SSBP2: variants seen among roughly 807,000 people sequenced by gnomAD.
SSBP2 encodes single stranded DNA binding protein 2, also known as single-stranded DNA-binding protein 2.
In SSBP2, 17 loss-of-function variants were observed where a neutral mutation model predicts 61.8. The ratio of observed to expected loss-of-function variants is 0.28; its 90% CI spans 0.19 to 0.41. The LOEUF is 0.41. SSBP2 is among the 10% of genes least tolerant of loss of function. The probability of loss-of-function intolerance (pLI) is 1.00; values close to 1 mark genes in which losing one functional copy is unlikely to be tolerated. For missense variants in SSBP2, 310 were observed against 458.7 expected (o/e 0.68, Z 2.96); for synonymous variants, 139 against 141.3 (o/e 0.98, Z 0.12).
chr5:81,467,091 CA>C, intron 8 of SSBP2, 26 bp from the exon 9 acceptor site: 1 of 1,500,736 alleles, frequency 6.7e-7, no homozygotes, highest in Non-Finnish European at 9.2e-7. Context: ...AAAACAAAAC[CA>C]AAGAGGAGGG....
rs78487728 is a variant in SSBP2 at position 81,590,791 on chromosome 5, G to A, written c.282+24682C>T. ...CACTAAAGGAAGAGCAAAAAGCCTC[G>A]TAGCTCTAAAGGTAATATAGGTTAA... On this transcript the variant is annotated intron_variant, in intron 4 of 16. Coordinates refer to ENST00000320672, the MANE Select transcript of SSBP2 (RefSeq NM_012446.5). Among the ~76,000 whole-genome samples the A allele has an allele frequency of 3.2e-3, 482 of 152,252 alleles. 2 individuals carry two copies. Among genetic ancestry groups the A allele is most frequent in the African/African-American group, 0.011 (443 of 41,542 alleles).
At chr5:81,677,683 A>G (rs1752085100) in intron 1 of SSBP2, among the ~76,000 whole-genome samples, 1 of 152,198 alleles carries the variant, frequency 6.6e-6, no homozygotes, top group African/African-American at 2.4e-5. Flanking sequence ...TACACAGTGT[A>G]TTCTGTTCCT....
chr5:81,749,644 A>T lies in SSBP2; in HGVS notation c.62+1337T>A, dbSNP rs931702761. 3.3e-5 allele frequency among the ~76,000 whole-genome samples: 5 copies of T among 150,718 alleles called. No homozygotes were observed. In the Admixed American group the frequency reaches 3.3e-4, roughly 10 times the overall value. On this transcript the variant is annotated intron_variant, in intron 1 of 16. Coordinates refer to ENST00000320672, the MANE Select transcript of SSBP2 (RefSeq NM_012446.5). ...CTCAGAGTTTAAGTGGTTACTGGGA[A>T]TCACTGATCTGTTGCACAGTTTAAA...
rs545245658 is a variant in SSBP2 at position 81,511,839 on chromosome 5, C to T, written c.372+1789G>A. Reference sequence around the variant, plus strand: ...TAGTTTTTAGATGCCTACTACAGTGCCTGGCATATAGTAGTACTCAAATAT... The same window carrying T: ...TAGTTTTTAGATGCCTACTACAGTGTCTGGCATATAGTAGTACTCAAATAT... On this transcript the variant is annotated intron_variant, in intron 5 of 16. Coordinates refer to ENST00000320672, the MANE Select transcript of SSBP2 (RefSeq NM_012446.5). Among the ~76,000 whole-genome samples, 5 of 152,236 alleles carry T rather than the reference C, an allele frequency of 3.3e-5. No individual in the cohort carries two copies. In the East Asian group the frequency reaches 9.6e-4, roughly 29 times the overall value.
At chr5:81,659,614 TATTCCCATCAA>T (rs1190477441) in intron 1 of SSBP2, among the ~76,000 whole-genome samples, 2 of 152,220 alleles carry the variant, frequency 1.3e-5, no homozygotes, top group Admixed American at 1.3e-4. Context: ...GATTTAATGC[TATTCCCATCAA>T]GCTACCATTG....
At chr5:81,456,970 CAT>C (rs1490927605) in intron 10 of SSBP2, among the ~76,000 whole-genome samples, 4 of 152,124 alleles carry the variant, frequency 2.6e-5, no homozygotes, top group African/African-American at 9.7e-5. Flanking sequence ...AGTGTGCACT[CAT>C]GTTTTTAATA....
chr5:81,532,907 T>G (rs1256152669), intron 4 of SSBP2, among the ~76,000 whole-genome samples: 1 of 151,878 alleles, frequency 6.6e-6, no homozygotes, highest in African/African-American at 2.4e-5. Flanking sequence ...ATTATCAGAC[T>G]TGAAAAAAGA....
intron 1 of SSBP2, among the ~76,000 whole-genome samples, chr5:81,701,005 C>A (rs1306021551): frequency 6.6e-6 from 1 of 152,164 alleles, no homozygotes; most frequent in African/African-American, 2.4e-5. Flanking sequence ...CTTTAGGAAG[C>A]TTTTCTTTGC....
intron 1 of SSBP2, among the ~76,000 whole-genome samples, chr5:81,666,598 T>A (rs901973729): frequency 7.9e-5 from 12 of 152,282 alleles, no homozygotes; most frequent in Non-Finnish European, 1.6e-4. Context: ...TGTAAATTTT[T>A]AAAAACTAAT....
At chr5:81,476,218 C>CAT (rs1765580694) in intron 6 of SSBP2, among the ~76,000 whole-genome samples, 1 of 152,078 alleles carries the variant, frequency 6.6e-6, no homozygotes, top group East Asian at 1.9e-4. Context: ...ACATAACCAC[C>CAT]ATACAGCCTT....
At chr5:81,468,547 A>C (rs1418733976) in intron 8 of SSBP2, among the ~76,000 whole-genome samples, 1 of 151,858 alleles carries the variant, frequency 6.6e-6, no homozygotes, top group Non-Finnish European at 1.5e-5. Context: ...CATTTTCTAT[A>C]ATTTTCATCT....
At chr5:81,641,112 G>C (rs1011268405) in intron 2 of SSBP2, among the ~76,000 whole-genome samples, 1 of 152,166 alleles carries the variant, frequency 6.6e-6, no homozygotes, top group African/African-American at 2.4e-5. Context: ...ATGCCAGGGT[G>C]TGCGGGAGGT....
chr5:81,529,720 G>A (rs1386930807), intron 4 of SSBP2, among the ~76,000 whole-genome samples: 1 of 152,076 alleles, frequency 6.6e-6, no homozygotes, highest in Non-Finnish European at 1.5e-5. Flanking sequence ...ATGCACAAAG[G>A]AAGCAATGAT....
intron 1 of SSBP2, among the ~76,000 whole-genome samples, chr5:81,730,592 G>A (rs767132559): frequency 2.0e-4 from 30 of 152,044 alleles, no homozygotes; most frequent in African/African-American, 2.7e-4. Context: ...GAGCTTCAGC[G>A]AAAAAGGCAG....
At chr5:81,597,913 C>T (rs1328596430) in intron 4 of SSBP2, among the ~76,000 whole-genome samples, 1 of 150,892 alleles carries the variant, frequency 6.6e-6, no homozygotes, top group African/African-American at 2.4e-5. Context: ...TGCAAAATGA[C>T]GAGTTAATGG....
At chr5:81,429,192 G>T (rs1762139601) in intron 15 of SSBP2, among the ~76,000 whole-genome samples, 1 of 152,146 alleles carries the variant, frequency 6.6e-6, no homozygotes, top group Admixed American at 6.6e-5. Flanking sequence ...AAAAAAGAAA[G>T]ATAGCTAACA....
At chr5:81,474,924 C>T (rs1403398128) in intron 6 of SSBP2, among the ~76,000 whole-genome samples, 2 of 152,220 alleles carry the variant, frequency 1.3e-5, no homozygotes, top group East Asian at 1.9e-4. Context: ...TGTAAATTCC[C>T]TATTTCTACA....
intron 3 of SSBP2, among the ~76,000 whole-genome samples, chr5:81,628,989 T>C (rs1370711093): frequency 1.3e-5 from 2 of 152,074 alleles, no homozygotes; most frequent in African/African-American, 2.4e-5. Flanking sequence ...CCCTCTTTAA[T>C]CCATCTTTTT....
intron 4 of SSBP2, among the ~76,000 whole-genome samples, chr5:81,585,307 C>A (rs1183097843): frequency 6.6e-6 from 1 of 152,018 alleles, no homozygotes; most frequent in African/African-American, 2.4e-5. Flanking sequence ...CAGTCTCCTC[C>A]TGAAAGCGTT....
Sources: allele counts gnomAD v4.1 joint callset (sites outside exome capture counted in the v4.1 genomes callset), GRCh38; gene constraint gnomAD v4.1.1; transcripts MANE v1.5; gene names NCBI Gene and HGNC (gene_info 2026-07-23, HGNC 2026-07-21).